Variants in USH2A observed in about 807,000 individuals in gnomAD.
USH2A encodes the protein Usher syndrome 2A (autosomal recessive, mild).
USH2A carries 443 observed loss-of-function variants against 538.9 expected under a neutral mutation model. That is an observed-to-expected ratio of 0.82 (90% CI 0.76 to 0.89). The LOEUF is 0.89. Ranked by LOEUF, USH2A falls within the 40% of genes least tolerant of loss-of-function variation. USH2A has a pLI of 0.00. For missense variants in USH2A, 6,633 were observed against 6,324.8 expected (o/e 1.05, Z -1.65); for synonymous variants, 2,413 against 2,273.5 (o/e 1.06, Z -1.75).
chr1:216,347,969 G>T (rs748278535), intron 4 of USH2A, among the ~76,000 whole-genome samples: 2 of 152,094 alleles, frequency 1.3e-5, no homozygotes, highest in Non-Finnish European at 2.9e-5. Flanking sequence ...TTAACTGCAT[G>T]GGCTGAATAA....
rs138504957 is a variant in USH2A at position 216,286,414 on chromosome 1, G to A, written c.1971+2866C>T. Among the ~76,000 whole-genome samples, 759 of 152,234 alleles carry A rather than the reference G, an allele frequency of 5.0e-3. 7 individuals carry two copies. Among genetic ancestry groups the A allele is most frequent in the African/African-American group, 0.018 (736 of 41,542 alleles). ...ATGATTGTGAGGCCTTCCCAGCCAC[G>A]TAGAATTGTAAGTCCATTAAATCTA... On this transcript the variant is annotated intron_variant, in intron 11 of 71. Coordinates refer to ENST00000307340, the MANE Select transcript of USH2A (RefSeq NM_206933.4).
intron 64 of USH2A, among the ~76,000 whole-genome samples, chr1:215,664,526 C>G (rs1657544117): frequency 6.6e-6 from 1 of 152,170 alleles, no homozygotes; most frequent in South Asian, 2.1e-4. Flanking sequence ...AAAAACCAAT[C>G]AAGAGAAGAT....
At chr1:216,410,254 G>A (rs1190619058) in intron 3 of USH2A, among the ~76,000 whole-genome samples, 1 of 152,048 alleles carries the variant, frequency 6.6e-6, no homozygotes, top group Admixed American at 6.6e-5. Context: ...GATGTTGGGA[G>A]TGTAAATTAC....
chr1:215,883,439 T>C lies in USH2A; in HGVS notation c.8224-4341A>G, dbSNP rs553805485. On this transcript the variant is annotated intron_variant, in intron 41 of 71. Transcript: ENST00000307340. ...TAGCTACATATAGCTATCTTTTTTT[T>C]TTAAGCTACTGAGTTTCTTTTTTTC... 2.6e-5 allele frequency among the ~76,000 whole-genome samples: 4 copies of C among 152,146 alleles called. No homozygotes were observed. In the East Asian group the frequency reaches 5.8e-4, roughly 22 times the overall value.
At chr1:215,976,245 C>T (rs1667616643) in intron 35 of USH2A, among the ~76,000 whole-genome samples, 1 of 152,088 alleles carries the variant, frequency 6.6e-6, no homozygotes, top group Admixed American at 6.6e-5. Flanking sequence ...GGCATAAAAT[C>T]ATATCAGCAA....
chr1:216,043,717 C>T (rs903818097), intron 32 of USH2A, among the ~76,000 whole-genome samples: 1 of 152,058 alleles, frequency 6.6e-6, no homozygotes, highest in African/African-American at 2.4e-5. Flanking sequence ...ATTCTTCCTC[C>T]TCTCCCTACA....
chr1:215,787,954 G>C (rs115492640), intron 51 of USH2A, among the ~76,000 whole-genome samples: 325 of 152,202 alleles, frequency 2.1e-3, no homozygotes, highest in South Asian at 6.4e-3. Context: ...TGAGGGAGGA[G>C]AATCGCTTGA....
At chr1:216,014,691 T>A (rs1668665053) in intron 32 of USH2A, among the ~76,000 whole-genome samples, 1 of 152,206 alleles carries the variant, frequency 6.6e-6, no homozygotes, top group South Asian at 2.1e-4. Context: ...GAAAAACAGA[T>A]CACTCTAATA....
intron 21 of USH2A, among the ~76,000 whole-genome samples, chr1:216,098,942 T>C (rs2032512694): frequency 1.3e-5 from 2 of 152,152 alleles, no homozygotes; most frequent in South Asian, 4.1e-4. Context: ...AGGGAGACAG[T>C]TAGATAAATC....
Position 215,671,086 on chromosome 1 carries a change from G to C in USH2A, c.14019C>G (p.Tyr4673Ter). The C allele has an allele frequency of 6.2e-7, 1 of 1,614,120 alleles. No homozygotes were observed. The highest frequency in any genetic ancestry group is 8.5e-7 in the Non-Finnish European group (1 of 1,180,016). Reference protein sequence around the residue: ...PNGKVLYYELYRRQIATQPRK... With the variant: ...PNGKVLYYEL ...TAGGCTGAGTTGCTATTTGTCTTCT[G>C]TATAATTCGTAATACAAAACTTTTC... is the stretch of plus-strand genomic sequence containing the variant. Residue 4673 changes from tyrosine to a stop codon, truncating the protein, a stop_gained, in exon 64 of 72, where the codon TAC becomes TAG. Transcript: ENST00000307340. LOFTEE classifies it high-confidence loss of function.
chr1:216,055,353 G>A (rs113622503), intron 30 of USH2A, among the ~76,000 whole-genome samples: 19 of 152,292 alleles, frequency 1.2e-4, no homozygotes, highest in African/African-American at 3.6e-4. Flanking sequence ...CTGCTACCTG[G>A]AGACATAATG....
At chr1:216,045,695 G>A (rs1320708933) in intron 32 of USH2A, among the ~76,000 whole-genome samples, 1 of 152,174 alleles carries the variant, frequency 6.6e-6, no homozygotes, top group African/African-American at 2.4e-5. Flanking sequence ...TGAAGTCAGA[G>A]AAGTCATGTG....
At chr1:216,190,815 C>T (rs1037309710) in intron 19 of USH2A, among the ~76,000 whole-genome samples, 5 of 151,732 alleles carry the variant, frequency 3.3e-5, no homozygotes, top group African/African-American at 9.7e-5. Flanking sequence ...TAAATCGATA[C>T]TATCATTTTC....
At chr1:216,400,712 T>C (rs182174460) in intron 3 of USH2A, among the ~76,000 whole-genome samples, 15 of 152,188 alleles carry the variant, frequency 9.9e-5, no homozygotes, top group Admixed American at 2.6e-4. Flanking sequence ...GTAAAACTTA[T>C]AAGTAAATAC....
intron 41 of USH2A, among the ~76,000 whole-genome samples, chr1:215,885,993 C>T (rs771702543): frequency 2.0e-5 from 3 of 152,176 alleles, no homozygotes; most frequent in Non-Finnish European, 2.9e-5. Context: ...ATGTAATCGC[C>T]ATGAGCCTAG....
chr1:216,030,211 ATATAT>A (rs971073204), intron 32 of USH2A, among the ~76,000 whole-genome samples: 13 of 140,782 alleles, frequency 9.2e-5, no homozygotes, highest in Admixed American at 5.2e-4. Context: ...TACATCACAC[ATATAT>A]TATATATGAT....
intron 60 of USH2A, among the ~76,000 whole-genome samples, chr1:215,738,127 C>T (rs993440856): frequency 1.3e-5 from 2 of 152,004 alleles, no homozygotes; most frequent in African/African-American, 4.8e-5. Context: ...TGTAAAGTCT[C>T]AATTTAATGT....
chr1:215,996,575 T>G (rs1308014812), intron 34 of USH2A, among the ~76,000 whole-genome samples: 9 of 133,728 alleles, frequency 6.7e-5, no homozygotes, highest in African/African-American at 2.0e-4. Flanking sequence ...TTTTTTTTTT[T>G]TTTTTTTTTT....
At chr1:215,635,783 C>T (rs570349321) in intron 69 of USH2A, among the ~76,000 whole-genome samples, 10 of 152,048 alleles carry the variant, frequency 6.6e-5, no homozygotes, top group Non-Finnish European at 1.0e-4. Context: ...CTCAATCTCA[C>T]GACCTCATGA....
Sources: gnomAD v4.1 joint callset for allele counts (sites outside exome capture counted in the v4.1 genomes callset) on GRCh38, gnomAD v4.1.1 for gene constraint, MANE v1.5 for transcripts, NCBI Gene and HGNC (gene_info 2026-07-23, HGNC 2026-07-21) for gene names.